The following COL9A2 variants were observed in gnomAD, a reference collection of about 807,000 sequenced individuals.
The protein encoded by COL9A2 is collagen type IX alpha 2 chain.
Under a neutral mutation model 111.6 loss-of-function variants are expected in COL9A2, and 66 were observed. The ratio of observed to expected loss-of-function variants is 0.59; its 90% confidence interval spans 0.48 to 0.73. The LOEUF is 0.73. Among genes scored for constraint, COL9A2 ranks in the 30% least tolerant of loss-of-function variants. The probability of loss-of-function intolerance (pLI) is 0.00; values close to 1 mark genes in which losing one functional copy is unlikely to be tolerated. For missense variants in COL9A2, 881 were observed against 954.1 expected, an observed-to-expected ratio of 0.92 and a Z score of 1.01; for synonymous variants, 353 against 364.1, an observed-to-expected ratio of 0.97 and a Z score of 0.35.
chr1:40,301,493 G>C lies in COL9A2; in HGVS notation c.1871-112C>G, dbSNP rs1471967247. On this transcript the variant is annotated intron_variant, in intron 31 of 31. Transcript: ENST00000372748. ...AAAATGAGGCCAAAACACCATAGGA[G>C]AAAGGACTCTGCCCCAGAGGCAGAG... The C allele has an allele frequency of 3.4e-6, 3 of 885,222 alleles. No individual in the cohort carries two copies. The African/African-American group carries it at 5.1e-5, about 15-fold the overall frequency. The allele number at this position is 885,222 out of a possible 1,614,324, so 54.8% of individuals were successfully genotyped here. A position where few individuals can be genotyped will look rare whatever the true frequency, so the allele number is the denominator to read the frequency against.
rs1265457525 is a variant in COL9A2 at position 40,314,284 on chromosome 1, G to T, written c.187-17C>A. 1.9e-6 allele frequency: 3 copies of T among 1,614,206 alleles called. No homozygotes were observed. The highest frequency in any genetic ancestry group is 2.5e-6 in the Non-Finnish European group (3 of 1,180,036). Reference sequence around the variant, plus strand: ...CTTGGGTCCCTTGAAAACAGAGATGGAACAAACATGAGCCAGAGGAGGGCA... The same window carrying T: ...CTTGGGTCCCTTGAAAACAGAGATGTAACAAACATGAGCCAGAGGAGGGCA... On this transcript the variant is annotated splice_polypyrimidine_tract_variant and intron_variant, in intron 3 of 31. Transcript: ENST00000372748. The surrounding 1 kb of genome is among the most constrained non-coding windows in gnomAD (Gnocchi z 4.1).
chr1:40,315,791 A>G, intron 1 of COL9A2, 127 bp from the exon 2 acceptor site: 2 of 634,978 alleles, frequency 3.1e-6, no homozygotes, highest in Admixed American at 3.0e-5. Context: ...CCACGTATTG[A>G]GAATCTTCTG....
Position 40,316,590 on chromosome 1 carries a change from C to A in COL9A2, c.75+533G>T. 1 of 454,650 alleles carries A rather than the reference C, an allele frequency of 2.2e-6. No homozygotes were observed. Among genetic ancestry groups the A allele is most frequent in the Non-Finnish European group, 4.4e-6 (1 of 225,946 alleles). 28.2% of individuals were successfully genotyped at this position (454,650 alleles called of 1,614,324 possible). ...CCCAGGCCGCGAAGTGCCAGGCTGG[C>A]GCCCCGCAGGCGAGCTCGAAACCAC... On this transcript the variant is annotated intron_variant, in intron 1 of 31. Coordinates refer to ENST00000372748, the MANE Select transcript of COL9A2 (RefSeq NM_001852.4). This position sits in a 1 kb window ranked among gnomAD's most constrained non-coding sequence, Gnocchi z 5.5.
Position 40,310,414 on chromosome 1 carries a change from G to A in COL9A2, c.685-97C>T. ...CTTCAATCTTACAGTGCCCTTTTGA[G>A]GTAGGCAGCAGAGTCTCTGTCTCAT... is the stretch of plus-strand genomic sequence containing the variant. On this transcript the variant is annotated intron_variant, in intron 13 of 31. Transcript: ENST00000372748. The surrounding 1 kb of genome is among the most constrained non-coding windows in gnomAD (Gnocchi z 4.9). 1 of 1,263,530 alleles carries A rather than the reference G, an allele frequency of 7.9e-7. No homozygotes were observed. Among genetic ancestry groups the A allele is most frequent in the East Asian group, 2.3e-5 (1 of 43,004 alleles). The allele number at this position is 1,263,530 out of a possible 1,614,324, so 78.3% of individuals were successfully genotyped here.
Position 40,306,171 on chromosome 1 carries a change from G to C in COL9A2, c.1025C>G (p.Pro342Arg), listed in dbSNP as rs755357677. The C allele has an allele frequency of 5.6e-6, 9 of 1,613,988 alleles. No homozygotes were observed. The highest frequency in any genetic ancestry group is 1.3e-5 in the African/African-American group (1 of 74,892). Residue 342 changes from proline to arginine, a missense_variant, in exon 20 of 32, where the codon CCT (proline) becomes CGT (arginine). Physicochemically the swap from Pro to Arg is moderately radical, Grantham distance 103. Coordinates refer to ENST00000372748, the MANE Select transcript of COL9A2 (RefSeq NM_001852.4). The part of the protein sequence containing the change: ...HQGLAGVPGQ[P>R]GTKGGPGDQG... ...GTCTCCAGGGCCTCCTTTTGTCCCA[G>C]GCTGGCCTGGCACACCCTGCAGAAA...
intron 22 of COL9A2, 89 bp downstream of exon 22, chr1:40,304,705 C>T: frequency 1.4e-6 from 2 of 1,431,928 alleles, no homozygotes; most frequent in Non-Finnish European, 1.9e-6. Context: ...GGGGAGGCAT[C>T]TCACGGGCTG....
At position 40,316,572 on chromosome 1, in the gene COL9A2, C is replaced by A; in HGVS notation, c.75+551G>T. 2.2e-6 allele frequency: 1 copy of A among 454,128 alleles called. No individual in the cohort carries two copies. 28.1% of individuals were successfully genotyped at this position (454,128 alleles called of 1,614,324 possible). ...CCCGGTGCCCACGACCTCCCCAGGC[C>A]GCGAAGTGCCAGGCTGGCGCCCCGC... On this transcript the variant is annotated intron_variant, in intron 1 of 31. Transcript: ENST00000372748. The surrounding 1 kb of genome is among the most constrained non-coding windows in gnomAD (Gnocchi z 5.5).
chr1:40,302,001 A>T lies in COL9A2; in HGVS notation c.1793-112T>A, dbSNP rs959177145. 1 of 1,116,922 alleles carries T rather than the reference A, an allele frequency of 9.0e-7. No homozygotes were observed. The highest frequency in any genetic ancestry group is 1.3e-6 in the Non-Finnish European group (1 of 760,036). The allele number at this position is 1,116,922 out of a possible 1,614,324, so 69.2% of individuals were successfully genotyped here. Reference sequence around the variant, plus strand: ...TTCCTGTTTTGTGCTAGTTTGTAATAGAGGAAAGTTGGAAATGGTCACGCA... The same window carrying T: ...TTCCTGTTTTGTGCTAGTTTGTAATTGAGGAAAGTTGGAAATGGTCACGCA... On this transcript the variant is annotated intron_variant, in intron 30 of 31. Transcript: ENST00000372748. The surrounding 1 kb of genome is among the most constrained non-coding windows in gnomAD (Gnocchi z 4.5).
chr1:40,302,709 G>A lies in COL9A2; in HGVS notation c.1704C>T (p.Gly568=). 1 of 1,583,270 alleles carries A rather than the reference G, an allele frequency of 6.3e-7. No individual in the cohort carries two copies. ...PGPPGPPGYP[G]KQGPHGHPGP... ...CAGGGTGCCCATGGGGGCCCTGCTT[G>A]CCTGGGTACCCAGGGGGCCCAGGAG... is the stretch of plus-strand genomic sequence containing the variant. The change falls in exon 30 of 32, where the codon GGC becomes GGT. Residue 568 remains glycine (G), a synonymous_variant. Transcript: ENST00000372748. This position sits in a 1 kb window ranked among gnomAD's most constrained non-coding sequence, Gnocchi z 4.5.
rs1643904843 is a variant in COL9A2 at position 40,300,900 on chromosome 1, C to CA, written c.*281dup. The CA allele has an allele frequency of 9.2e-6, 4 of 434,430 alleles. No individual in the cohort carries two copies. The South Asian group carries it at 1.3e-4, about 14-fold the overall frequency. 26.9% of individuals were successfully genotyped at this position (434,430 alleles called of 1,614,324 possible). A position where few individuals can be genotyped will look rare whatever the true frequency, so the allele number is the denominator to read the frequency against. Reference sequence around the variant, plus strand: ...CAGATTAAGATGTTTGTTTTGGTAACAGCCGAATGATGCTCGCTGGAAGGA... The same window carrying CA: ...CAGATTAAGATGTTTGTTTTGGTAACAAGCCGAATGATGCTCGCTGGAAGGA... On this transcript the variant is annotated 3_prime_UTR_variant, in exon 32 of 32. Coordinates refer to ENST00000372748, the MANE Select transcript of COL9A2 (RefSeq NM_001852.4). This position sits in a 1 kb window ranked among gnomAD's most constrained non-coding sequence, Gnocchi z 4.4.
Position 40,314,857 on chromosome 1 carries a change from G to A in COL9A2, c.151-470C>T, listed in dbSNP as rs1278516851. On this transcript the variant is annotated intron_variant, in intron 2 of 31. Transcript: ENST00000372748. This position sits in a 1 kb window ranked among gnomAD's most constrained non-coding sequence, Gnocchi z 4.1. ...TGGCAAGGACCAAGGGGGACTGCAA[G>A]GGGGAAATTCAGTGTTCCCAAGGAG... is the stretch of plus-strand genomic sequence containing the variant. Among the ~76,000 whole-genome samples, 1 of 152,152 alleles carries A rather than the reference G, an allele frequency of 6.6e-6. No individual in the cohort carries two copies. Among genetic ancestry groups the A allele is most frequent in the Non-Finnish European group, 1.5e-5 (1 of 68,016 alleles).
Position 40,310,835 on chromosome 1 carries a change from A to G in COL9A2, c.631-68T>C. On this transcript the variant is annotated intron_variant, in intron 12 of 31. Transcript: ENST00000372748. This position sits in a 1 kb window ranked among gnomAD's most constrained non-coding sequence, Gnocchi z 4.9. ...AAGACACATATACAGACAAGCAAAG[A>G]TACCACCTCTTTTCCCCAGCACAAG... 2 of 1,328,054 alleles carry G rather than the reference A, an allele frequency of 1.5e-6. No individual in the cohort carries two copies. The highest frequency in any genetic ancestry group is 2.1e-6 in the Non-Finnish European group (2 of 944,384). 82.3% of individuals were successfully genotyped at this position (1,328,054 alleles called of 1,614,324 possible).
In COL9A2 at chr1:40,310,668, C is replaced by T. The variant is rs749516120; in HGVS notation, c.684+46G>A. ...CAGGGGAATGACTCCATGAAGGGCT[C>T]CTGGGGTGAGGGAGAAGAGGGCCAC... On this transcript the variant is annotated intron_variant, in intron 13 of 31. Transcript: ENST00000372748. This position sits in a 1 kb window ranked among gnomAD's most constrained non-coding sequence, Gnocchi z 4.9. 7.9e-6 allele frequency: 12 copies of T among 1,517,450 alleles called. No individual in the cohort carries two copies. Among genetic ancestry groups the T allele is most frequent in the Non-Finnish European group, 1.1e-5 (12 of 1,112,670 alleles). The allele number at this position is 1,517,450 out of a possible 1,614,324, so 94.0% of individuals were successfully genotyped here. A position where few individuals can be genotyped will look rare whatever the true frequency, so the allele number is the denominator to read the frequency against.
chr1:40,311,730 A>T lies in COL9A2; in HGVS notation c.418-15T>A, dbSNP rs778060168. On this transcript the variant is annotated splice_polypyrimidine_tract_variant and intron_variant, in intron 8 of 31. Transcript: ENST00000372748. This position sits in a 1 kb window ranked among gnomAD's most constrained non-coding sequence, Gnocchi z 5.1. ...CCAGGGTCCCCCTGGAAGCAAAAGA[A>T]GCCCAAATCATACCCCTGACCAGCC... The T allele has an allele frequency of 1.2e-6, 2 of 1,613,458 alleles. No homozygotes were observed. The highest frequency in any genetic ancestry group is 2.7e-5 in the African/African-American group (2 of 74,856).
At position 40,303,743 on chromosome 1, in the gene COL9A2, T is replaced by TG. The variant is rs1553182617; in HGVS notation, c.1401+63dup. 7 of 681,680 alleles carry TG rather than the reference T, an allele frequency of 1.0e-5. No homozygotes were observed. The highest frequency in any genetic ancestry group is 1.1e-4 in the East Asian group (2 of 18,846). The allele number at this position is 681,680 out of a possible 1,614,324, so 42.2% of individuals were successfully genotyped here. A position where few individuals can be genotyped will look rare whatever the true frequency, so the allele number is the denominator to read the frequency against. ...CGCCCGGGTGGGCGAGAGTGGGGGG[T>TG]GGGGGTCGAGGAAGGGAGTGGCCGC... On this transcript the variant is annotated intron_variant, in intron 27 of 31. Coordinates refer to ENST00000372748, the MANE Select transcript of COL9A2 (RefSeq NM_001852.4). This position sits in a 1 kb window ranked among gnomAD's most constrained non-coding sequence, Gnocchi z 4.6.
chr1:40,307,317 G>T lies in COL9A2; in HGVS notation c.1008+129C>A. 2.2e-6 allele frequency: 2 copies of T among 900,964 alleles called. No individual in the cohort carries two copies. The highest frequency in any genetic ancestry group is 3.6e-6 in the Non-Finnish European group (2 of 559,150). 55.8% of individuals were successfully genotyped at this position (900,964 alleles called of 1,614,324 possible). A position where few individuals can be genotyped will look rare whatever the true frequency, so the allele number is the denominator to read the frequency against. Reference sequence around the variant, plus strand: ...TGTCCAAGTAATGAAGCCTTCGCCAGGCCAGGGGCCACAGAGTTGGTAACA... The same window carrying T: ...TGTCCAAGTAATGAAGCCTTCGCCATGCCAGGGGCCACAGAGTTGGTAACA... On this transcript the variant is annotated intron_variant, in intron 19 of 31. Coordinates refer to ENST00000372748, the MANE Select transcript of COL9A2 (RefSeq NM_001852.4). This position sits in a 1 kb window ranked among gnomAD's most constrained non-coding sequence, Gnocchi z 4.8.
chr1:40,302,524 G>T lies in COL9A2; in HGVS notation c.1792+97C>A. 2 of 1,354,362 alleles carry T rather than the reference G, an allele frequency of 1.5e-6. No homozygotes were observed. The highest frequency in any genetic ancestry group is 2.0e-6 in the Non-Finnish European group (2 of 981,374). 83.9% of individuals were successfully genotyped at this position (1,354,362 alleles called of 1,614,324 possible). ...ACCATGTGGCTGAGGAACCGGGGAA[G>T]GGTCTGTATGTCATCCTGAGAAGGG... On this transcript the variant is annotated intron_variant, in intron 30 of 31. Transcript: ENST00000372748. The surrounding 1 kb of genome is among the most constrained non-coding windows in gnomAD (Gnocchi z 4.5).
chr1:40,306,082 G>A lies in COL9A2; in HGVS notation c.1053+61C>T. The A allele has an allele frequency of 9.4e-6, 15 of 1,591,766 alleles. 2 individuals carry two copies. In the South Asian group the frequency reaches 1.7e-4, roughly 18 times the overall value. Reference sequence around the variant, plus strand: ...GAGACTTGGCTGAGGCCTGGGCCTTGCTGTCTTCCTGGCCCCAGACTTCCT... The same window carrying A: ...GAGACTTGGCTGAGGCCTGGGCCTTACTGTCTTCCTGGCCCCAGACTTCCT... On this transcript the variant is annotated intron_variant, in intron 20 of 31. Transcript: ENST00000372748.
rs1644024994 is a variant in COL9A2, at chr1:40,306,057, G to A, written c.1053+86C>T. 1.1e-5 allele frequency: 16 copies of A among 1,513,798 alleles called. No individual in the cohort carries two copies. The South Asian group carries it at 1.6e-4, about 15-fold the overall frequency. 93.8% of individuals were successfully genotyped at this position (1,513,798 alleles called of 1,614,324 possible). On this transcript the variant is annotated intron_variant, in intron 20 of 31. Coordinates refer to ENST00000372748, the MANE Select transcript of COL9A2 (RefSeq NM_001852.4). ...GGGCTTATGTTCTGGCTGAGCCTCT[G>A]AGACTTGGCTGAGGCCTGGGCCTTG...
Sources: allele counts gnomAD v4.1 joint callset (sites outside exome capture counted in the v4.1 genomes callset), GRCh38; gene constraint gnomAD v4.1.1; non-coding constraint Gnocchi (gnomAD v3.1); transcripts MANE v1.5; gene names NCBI Gene and HGNC (gene_info 2026-07-23, HGNC 2026-07-21).